The following NEDD4 variants were observed in gnomAD, a reference collection of about 807,000 sequenced individuals.
NEDD4 encodes the protein E3 ubiquitin-protein ligase NEDD4.
Under a neutral mutation model 144.9 loss-of-function variants are expected in NEDD4, and 99 were observed. The ratio of observed to expected loss-of-function variants is 0.68; its 90% CI spans 0.58 to 0.81. The LOEUF is 0.81. Among genes scored for constraint, NEDD4 ranks in the 30% least tolerant of loss-of-function variants. NEDD4 has a pLI of 0.00. For synonymous variants in NEDD4, 318 were observed against 350.6 expected, an observed-to-expected ratio of 0.91 and a Z score of 1.04; for missense variants, 985 against 1,065.9, an observed-to-expected ratio of 0.92 and a Z score of 1.06.
intron 28 of NEDD4, among the ~76,000 whole-genome samples, chr15:55,830,263 T>C (rs2288345): frequency 0.4 from 60,812 of 152,088 alleles, 12,380 homozygotes; most frequent in South Asian, 0.48. Context: ...TGTTCTAGCC[T>C]GTCTTGGGAC....
In NEDD4 at chr15:55,871,758, AC is replaced by A. The variant is rs544076941; in HGVS notation, c.404+656del. Among the ~76,000 whole-genome samples the A allele has an allele frequency of 1.4e-4, 21 of 152,336 alleles. No individual in the cohort carries two copies. The South Asian group carries it at 3.1e-3, about 23-fold the overall frequency. On this transcript the variant is annotated intron_variant, in intron 7 of 28. Transcript: ENST00000435532. Reference sequence around the variant, plus strand: ...TGCATTTTATAGTTTAAGAAACAAGACAAATACTGTTGCTTTCACAGATGTC... The same window carrying A: ...TGCATTTTATAGTTTAAGAAACAAGAAAATACTGTTGCTTTCACAGATGTC...
chr15:55,976,905 T>C (rs1452295418), intron 1 of NEDD4, among the ~76,000 whole-genome samples: 1 of 152,138 alleles, frequency 6.6e-6, no homozygotes, highest in Non-Finnish European at 1.5e-5. Context: ...AGTGCTGGGA[T>C]TACAGGTGTG....
chr15:55,990,837 C>G (rs1479500443), intron 1 of NEDD4, among the ~76,000 whole-genome samples: 5 of 152,232 alleles, frequency 3.3e-5, no homozygotes, highest in African/African-American at 4.8e-5. Context: ...CTGTGAATCT[C>G]AAGTGACCAG....
intron 1 of NEDD4, among the ~76,000 whole-genome samples, chr15:55,990,868 T>C (rs1299109230): frequency 2.6e-5 from 4 of 152,246 alleles, no homozygotes; most frequent in Non-Finnish European, 1.5e-5. Flanking sequence ...GTATAAATTA[T>C]ACTACACTTC....
Position 55,916,923 on chromosome 15 carries a change from G to C in NEDD4, c.291+7723C>G, listed in dbSNP as rs537098199. ...TAGAAGCAGCTGCACTGCATCAAAA[G>C]AAAAAATCATTTGTGGTGCCTAAAA... On this transcript the variant is annotated intron_variant, in intron 5 of 28. Transcript: ENST00000435532. 5 of 1,502,048 alleles carry C rather than the reference G, an allele frequency of 3.3e-6. No individual in the cohort carries two copies. The South Asian group carries it at 5.6e-5, about 17-fold the overall frequency. The allele number at this position is 1,502,048 out of a possible 1,614,324, so 93.0% of individuals were successfully genotyped here.
intron 1 of NEDD4, among the ~76,000 whole-genome samples, chr15:55,969,880 G>A (rs1186180765): frequency 2.0e-5 from 3 of 147,494 alleles, no homozygotes; most frequent in African/African-American, 7.6e-5. Flanking sequence ...GAAAGGAGAG[G>A]GAAAAGTAAA....
At chr15:55,929,973 T>C (rs1239731035) in intron 4 of NEDD4, among the ~76,000 whole-genome samples, 1 of 151,814 alleles carries the variant, frequency 6.6e-6, no homozygotes. Flanking sequence ...TTAAGAAAAA[T>C]TTGTGGAAAT....
Position 55,941,825 on chromosome 15 carries a change from G to A in NEDD4, c.237+9551C>T, listed in dbSNP as rs145686285. Among the ~76,000 whole-genome samples, 130 of 152,194 alleles carry A rather than the reference G, an allele frequency of 8.5e-4. 3 individuals carry two copies. The East Asian group carries it at 0.023, about 26-fold the overall frequency. On this transcript the variant is annotated intron_variant, in intron 4 of 28. Transcript: ENST00000435532. ...TGACCTCAAGTGATATGCCTGCATC[G>A]GCTTCCCAAAGTGCGAGGATTATAG...
In NEDD4 at chr15:55,944,040, C is replaced by A. The variant is rs558075560; in HGVS notation, c.237+7336G>T. 9.9e-5 allele frequency among the ~76,000 whole-genome samples: 15 copies of A among 152,278 alleles called. No individual in the cohort carries two copies. The East Asian group carries it at 2.5e-3, about 26-fold the overall frequency. ...TGATTGGAAGATGGCCAAATAGGAA[C>A]AGCTCCTGTCTGCAGCTCCCGGTAT... On this transcript the variant is annotated intron_variant, in intron 4 of 28. Coordinates refer to ENST00000435532, the MANE Select transcript of NEDD4 (RefSeq NM_006154.4).
chr15:55,845,639 G>A (rs896857777), intron 18 of NEDD4, among the ~76,000 whole-genome samples: 4 of 151,826 alleles, frequency 2.6e-5, no homozygotes, highest in South Asian at 2.1e-4. Context: ...AGTGGCAAAT[G>A]GAGAAGCTAG....
intron 5 of NEDD4, among the ~76,000 whole-genome samples, chr15:55,915,037 T>G (rs370844427): frequency 6.6e-6 from 1 of 152,118 alleles, no homozygotes; most frequent in Non-Finnish European, 1.5e-5. Flanking sequence ...AAAAGTTTTA[T>G]AGCTTAAATC....
intron 5 of NEDD4, among the ~76,000 whole-genome samples, chr15:55,903,439 A>T (rs964901089): frequency 6.6e-6 from 1 of 152,178 alleles, no homozygotes; most frequent in Non-Finnish European, 1.5e-5. Flanking sequence ...TAATATGGAG[A>T]TATAATCACT....
At chr15:55,862,834 A>T (rs1440899223) in intron 9 of NEDD4, 79 bp downstream of exon 9, 4 of 1,325,626 alleles carry the variant, frequency 3.0e-6, no homozygotes, top group Middle Eastern at 2.7e-4. Context: ...TTATGAATCC[A>T]TCTGAGACAT....
intron 11 of NEDD4, among the ~76,000 whole-genome samples, chr15:55,857,240 A>G (rs1457295045): frequency 2.0e-5 from 3 of 152,244 alleles, no homozygotes; most frequent in African/African-American, 7.2e-5. Context: ...CCAGCAAATC[A>G]GTATCATTTA....
At chr15:55,842,201 T>G in intron 18 of NEDD4, 38 bp from the exon 19 acceptor site, 1 of 1,528,310 alleles carries the variant, frequency 6.5e-7, no homozygotes, top group Non-Finnish European at 9.1e-7. Context: ...TTTAAATCAG[T>G]TCAACATAAT....
intron 18 of NEDD4, among the ~76,000 whole-genome samples, chr15:55,843,459 A>G (rs921875571): frequency 5.9e-5 from 9 of 152,222 alleles, no homozygotes; most frequent in Admixed American, 5.2e-4. Context: ...TTATGTGACA[A>G]ATGTACACAA....
In NEDD4 at chr15:55,854,099, C is replaced by G. The variant is rs368656606; in HGVS notation, c.1027-1556G>C. On this transcript the variant is annotated intron_variant, in intron 12 of 28. Coordinates refer to ENST00000435532, the MANE Select transcript of NEDD4 (RefSeq NM_006154.4). ...CCAGGAGGCAGAGGTTGCAGTGAGC[C>G]GAGATCGCCTGGGCACTCCAGCCTG... Among the ~76,000 whole-genome samples the G allele has an allele frequency of 5.5e-4, 83 of 152,008 alleles. No individual in the cohort carries two copies. The South Asian group carries it at 0.017, about 30-fold the overall frequency.
chr15:55,916,301 A>G, intron 5 of NEDD4: 1 of 1,614,044 alleles, frequency 6.2e-7, no homozygotes, highest in Non-Finnish European at 8.5e-7. Context: ...ATGAACCTCC[A>G]CTTGTGATAC....
intron 5 of NEDD4, among the ~76,000 whole-genome samples, chr15:55,922,489 A>C (rs1271394682): frequency 7.9e-5 from 12 of 152,110 alleles, no homozygotes; most frequent in African/African-American, 2.9e-4. Context: ...CAGCCTCCCA[A>C]GTAGCTGGGA....
Sources: gnomAD v4.1 joint callset for allele counts (sites outside exome capture counted in the v4.1 genomes callset) on GRCh38, gnomAD v4.1.1 for gene constraint, MANE v1.5 for transcripts, NCBI Gene and HGNC (gene_info 2026-07-23, HGNC 2026-07-21) for gene names.